The following TACO1 variants were observed in gnomAD, a reference collection of about 807,000 sequenced individuals.
TACO1 encodes translational activator of cytochrome c oxidase I, also known as translational activator of cytochrome c oxidase 1.
A neutral mutation model predicts 24.0 loss-of-function variants in TACO1; 13 were observed. That is an observed-to-expected ratio of 0.54 (90% CI 0.35 to 0.86). The LOEUF (loss-of-function observed/expected upper bound fraction) is 0.86. TACO1 is among the 40% of genes least tolerant of loss of function. TACO1 has a pLI of 0.01. For synonymous variants in TACO1, 149 were observed against 153.5 expected (o/e 0.97, Z 0.22); for missense variants, 352 against 380.1 (o/e 0.93, Z 0.61).
chr17:63,601,415 C>G (rs953651716), intron 1 of TACO1, 52 bp downstream of exon 1: 1 of 1,593,310 alleles, frequency 6.3e-7, no homozygotes, highest in Non-Finnish European at 8.5e-7. Flanking sequence ...TCTCAGTGCC[C>G]GCAGCCTCGC....
intron 2 of TACO1, among the ~76,000 whole-genome samples, chr17:63,605,118 G>A (rs553111349): frequency 3.9e-5 from 6 of 152,294 alleles, no homozygotes; most frequent in South Asian, 4.2e-4. Flanking sequence ...GGTTCTAGGA[G>A]CACAACTGGG....
intron 3 of TACO1, 107 bp downstream of exon 3, chr17:63,606,547 T>G (rs1442846090): frequency 6.8e-7 from 1 of 1,478,922 alleles, no homozygotes; most frequent in Admixed American, 1.8e-5. Flanking sequence ...TTTTGTTTTT[T>G]GTTTTTTTGT....
intron 3 of TACO1, 190 bp from the exon 4 acceptor site, chr17:63,607,097 G>A (rs1012944365): frequency 3.2e-6 from 2 of 634,774 alleles, no homozygotes; most frequent in Non-Finnish European, 5.6e-6. Flanking sequence ...AAAATCGAGC[G>A]TGGGGACATT....
intron 1 of TACO1, among the ~76,000 whole-genome samples, chr17:63,602,505 G>T (rs542880033): frequency 6.6e-6 from 1 of 151,738 alleles, no homozygotes; most frequent in South Asian, 2.1e-4. Context: ...TTGATATTAA[G>T]TTCAAGCAAC....
rs182355403 is a variant in TACO1 at position 63,607,850 on chromosome 17, T to G, written c.742T>G (p.Ser248Ala). Residue 248 changes from serine to alanine, a missense_variant, in exon 5 of 5, where the codon TCC becomes GCC. Coordinates refer to ENST00000258975, the MANE Select transcript of TACO1 (RefSeq NM_016360.4). ...SLHQVRKKLD[S>A]LGLCSVSCAL... Reference sequence around the variant, plus strand: ...GCACCAAGTGAGGAAGAAGCTGGACTCCCTGGGCCTGTGTTCTGTGTCCTG... The same window carrying G: ...GCACCAAGTGAGGAAGAAGCTGGACGCCCTGGGCCTGTGTTCTGTGTCCTG... 1.2e-3 allele frequency: 2,013 copies of G among 1,614,158 alleles called. 25 individuals carry two copies. Among genetic ancestry groups the G allele is most frequent in the South Asian group, 4.3e-4 (39 of 91,090 alleles).
chr17:63,603,125 A>T (rs1396538161), intron 1 of TACO1, among the ~76,000 whole-genome samples: 1 of 152,014 alleles, frequency 6.6e-6, no homozygotes, highest in Non-Finnish European at 1.5e-5. Flanking sequence ...AGTCCCAGCT[A>T]CTCAGGAGGC....
intron 2 of TACO1, 133 bp downstream of exon 2, chr17:63,604,773 G>A (rs1409397017): frequency 9.5e-6 from 8 of 839,978 alleles, no homozygotes. Flanking sequence ...CAGCACTTTG[G>A]GAGGCTAAGG....
intron 1 of TACO1, 45 bp downstream of exon 1, chr17:63,601,408 C>CA: frequency 6.2e-7 from 1 of 1,601,162 alleles, no homozygotes; most frequent in South Asian, 1.1e-5. Flanking sequence ...GCTGCCCTCT[C>CA]AGTGCCCGCA....
In TACO1 at chr17:63,608,249, A is replaced by G. The variant is rs1338830159; in HGVS notation, c.*247A>G. 1 of 555,442 alleles carries G rather than the reference A, an allele frequency of 1.8e-6. No individual in the cohort carries two copies. The highest frequency in any genetic ancestry group is 1.9e-5 in the African/African-American group (1 of 53,064). The allele number at this position is 555,442 out of a possible 1,614,324, so 34.4% of individuals were successfully genotyped here. A position where few individuals can be genotyped will look rare whatever the true frequency, so the allele number is the denominator to read the frequency against. ...ACCCTCTCGGATGCAGGGCAGGACC[A>G]CCCAGCTGGTCAGACTCTGATGTTG... On this transcript the variant is annotated 3_prime_UTR_variant, in exon 5 of 5. Coordinates refer to ENST00000258975, the MANE Select transcript of TACO1 (RefSeq NM_016360.4).
intron 2 of TACO1, 117 bp from the exon 3 acceptor site, chr17:63,606,196 A>T: frequency 7.5e-7 from 1 of 1,329,376 alleles, no homozygotes; most frequent in East Asian, 2.3e-5. Flanking sequence ...TTGAGAGCTC[A>T]GGCTCCAGCC....
intron 3 of TACO1, chr17:63,607,015 C>A: frequency 1.9e-6 from 1 of 531,022 alleles, no homozygotes; most frequent in Non-Finnish European, 3.4e-6. Flanking sequence ...AAATGCTCCA[C>A]CAGGACTGGC....
chr17:63,602,971 C>A (rs868758731), intron 1 of TACO1, among the ~76,000 whole-genome samples: 5 of 152,164 alleles, frequency 3.3e-5, no homozygotes, highest in Non-Finnish European at 4.4e-5. Flanking sequence ...CACGGTGGCT[C>A]ACACCTGTAA....
chr17:63,606,417 T>TAG lies in TACO1; in HGVS notation c.494_495dup (p.His166AspfsTer4). On this transcript the variant is annotated frameshift_variant, in exon 3 of 5. Transcript: ENST00000258975. LOFTEE classifies it high-confidence loss of function. ...GTAGCCACAAGTGCCAAGCAGACAT[T>TAG]AGACATATCCTGAATAAGAATGGGT... 6.2e-7 allele frequency: 1 copy of TAG among 1,614,230 alleles called. No individual in the cohort carries two copies.
intron 1 of TACO1, among the ~76,000 whole-genome samples, chr17:63,602,602 T>C (rs1372804189): frequency 3.3e-5 from 5 of 152,102 alleles, no homozygotes; most frequent in East Asian, 1.9e-4. Flanking sequence ...TCTTGGCCCA[T>C]TGCAACCTCC....
In TACO1 at chr17:63,604,757, T is replaced by TA; in HGVS notation, c.387+119dup. On this transcript the variant is annotated intron_variant, in intron 2 of 4. Coordinates refer to ENST00000258975, the MANE Select transcript of TACO1 (RefSeq NM_016360.4). ...GGCCAAGTGCAGTGGCTCACGACTA[T>TA]AATCCCAGCACTTTGGGAGGCTAAG... The TA allele has an allele frequency of 4.2e-6, 4 of 947,180 alleles. No homozygotes were observed. The South Asian group carries it at 5.3e-5, about 13-fold the overall frequency. 58.7% of individuals were successfully genotyped at this position (947,180 alleles called of 1,614,324 possible).
At chr17:63,603,190 T>C (rs2033835100) in intron 1 of TACO1, among the ~76,000 whole-genome samples, 1 of 151,672 alleles carries the variant, frequency 6.6e-6, no homozygotes, top group Admixed American at 6.6e-5. Context: ...GAGCCGAGAT[T>C]ACACCACTGC....
chr17:63,607,534 T>G (rs2033872429), intron 4 of TACO1, 70 bp downstream of exon 4: 1 of 1,540,286 alleles, frequency 6.5e-7, no homozygotes, highest in Non-Finnish European at 9.0e-7. Flanking sequence ...TGCATGCCTC[T>G]TGGTTTCTTC....
intron 1 of TACO1, among the ~76,000 whole-genome samples, chr17:63,602,090 CAA>C (rs11288092): frequency 1.2e-5 from 1 of 84,222 alleles, no homozygotes. Context: ...CTAAAAATAA[CAA>C]AAAAAAAAAA....
intron 1 of TACO1, among the ~76,000 whole-genome samples, chr17:63,602,572 G>GGT (rs1165109895): frequency 4.6e-5 from 7 of 151,868 alleles, no homozygotes; most frequent in Non-Finnish European, 8.8e-5. Context: ...TGTCACCCAG[G>GGT]GTAGAGTGCA....
Sources: gnomAD v4.1 joint callset for allele counts (sites outside exome capture counted in the v4.1 genomes callset) on GRCh38, gnomAD v4.1.1 for gene constraint, MANE v1.5 for transcripts, NCBI Gene and HGNC (gene_info 2026-07-23, HGNC 2026-07-21) for gene names.